Variants in SLC43A2 observed in about 807,000 individuals in gnomAD.
SLC43A2 encodes the protein large neutral amino acids transporter small subunit 4.
Under a neutral mutation model 63.2 loss-of-function variants are expected in SLC43A2, and 38 were observed. The observed-to-expected ratio is 0.60, with a 90% CI of 0.46 to 0.79. The LOEUF (loss-of-function observed/expected upper bound fraction) is 0.79, where lower values mean the gene tolerates loss of function less well. SLC43A2 is among the 30% of genes least tolerant of loss of function. The pLI is 0.00. For missense variants in SLC43A2, 644 were observed against 756.2 expected (o/e 0.85, Z 1.74); for synonymous variants, 322 against 331.0 (o/e 0.97, Z 0.30).
rs1486811212 is a variant in SLC43A2 at position 1,575,440 on chromosome 17, C to T, written c.*164G>A. ...AACGCGCGTGTCCGGGGCCCTCTCCCGTCCTTCCACCACAGAGCTCCGAGG... is the reference window on the plus strand; with the variant it reads ...AACGCGCGTGTCCGGGGCCCTCTCCTGTCCTTCCACCACAGAGCTCCGAGG... On this transcript the variant is annotated 3_prime_UTR_variant, in exon 14 of 14. Coordinates refer to ENST00000301335, the MANE Select transcript of SLC43A2 (RefSeq NM_152346.3). 8 of 898,010 alleles carry T rather than the reference C, an allele frequency of 8.9e-6. No individual in the cohort carries two copies. The highest frequency in any genetic ancestry group is 1.2e-5 in the Non-Finnish European group (7 of 588,702). 55.6% of individuals were successfully genotyped at this position (898,010 alleles called of 1,614,324 possible). A position where few individuals can be genotyped will look rare whatever the true frequency, so the allele number is the denominator to read the frequency against.
chr17:1,575,573 G>A lies in SLC43A2; in HGVS notation c.*31C>T. ...ACAGGGGTCAGTCACTGAAGCACAG[G>A]CAGGAGACCGCAGTTCCGAGGCGGC... On this transcript the variant is annotated 3_prime_UTR_variant, in exon 14 of 14. Transcript: ENST00000301335. 1 of 1,613,884 alleles carries A rather than the reference G, an allele frequency of 6.2e-7. No individual in the cohort carries two copies. Among genetic ancestry groups the A allele is most frequent in the Non-Finnish European group, 8.5e-7 (1 of 1,179,876 alleles).
chr17:1,623,996 C>T (rs74338769), intron 2 of SLC43A2, among the ~76,000 whole-genome samples: 8,121 of 152,310 alleles, frequency 0.053, 733 homozygotes, highest in African/African-American at 0.19. Context: ...TAGCTCCTGG[C>T]GCCCTGCTTT....
chr17:1,587,085 A>ACACTGTGTTTCCCG (rs1555537668), intron 9 of SLC43A2: 57 of 696,936 alleles, frequency 8.2e-5, no homozygotes, highest in South Asian at 4.7e-4. Flanking sequence ...TGCATTTCCC[A>ACACTGTGTTTCCCG]CACTGCGTTT....
At position 1,591,397 on chromosome 17, in the gene SLC43A2, G is replaced by T. The variant is rs376850298; in HGVS notation, c.803C>A (p.Thr268Lys). The change falls in exon 8 of 14, where the codon ACG becomes AAG. Residue 268 changes from threonine to lysine, a missense_variant. Physicochemically the swap from Thr to Lys is moderately conservative, Grantham distance 78 (BLOSUM62 -1). Transcript: ENST00000301335. ...TGKQFYKQVT[T>K]VGRRLSVGSS... ...GCCCACACTCAGGCGCCGGCCCACCGTGGTCACCTGCTTGTAGAACTGCTT... is the reference window on the plus strand; with the variant it reads ...GCCCACACTCAGGCGCCGGCCCACCTTGGTCACCTGCTTGTAGAACTGCTT... The T allele has an allele frequency of 2.8e-5, 45 of 1,612,898 alleles. No individual in the cohort carries two copies. The African/African-American group carries it at 5.2e-4, about 19-fold the overall frequency.
At chr17:1,590,781 G>A (rs762982947) in intron 9 of SLC43A2, 21 bp downstream of exon 9, 133 of 1,551,038 alleles carry the variant, frequency 8.6e-5, no homozygotes, top group Middle Eastern at 2.0e-4. Flanking sequence ...GACAGCGACC[G>A]AGGCTGCCCG....
intron 5 of SLC43A2, among the ~76,000 whole-genome samples, chr17:1,597,875 T>C (rs904838720): frequency 6.6e-6 from 1 of 152,304 alleles, no homozygotes; most frequent in East Asian, 1.9e-4. Context: ...AAATGTGATG[T>C]GCTCACACGT....
At chr17:1,610,328 T>C (rs532406775) in intron 5 of SLC43A2, among the ~76,000 whole-genome samples, 1 of 151,854 alleles carries the variant, frequency 6.6e-6, no homozygotes, top group African/African-American at 2.4e-5. Context: ...AGTGGTGTCA[T>C]TGTGGCATAC....
At chr17:1,592,620 T>C (rs896254506) in intron 6 of SLC43A2, among the ~76,000 whole-genome samples, 1 of 151,748 alleles carries the variant, frequency 6.6e-6, no homozygotes, top group East Asian at 1.9e-4. Flanking sequence ...GGAAAGGGGC[T>C]TTTACTTAGT....
chr17:1,589,640 G>A (rs1598447703), intron 9 of SLC43A2, among the ~76,000 whole-genome samples: 2 of 152,050 alleles, frequency 1.3e-5, no homozygotes, highest in African/African-American at 4.8e-5. Flanking sequence ...TTTCTTTTGA[G>A]ATGGAGTCGC....
intron 9 of SLC43A2, among the ~76,000 whole-genome samples, chr17:1,586,394 T>C (rs4790658): frequency 0.97 from 148,209 of 152,228 alleles, 72,249 homozygotes; most frequent in Non-Finnish European, 1. Context: ...TTAGTTTCTG[T>C]CTCTAGAAAT....
In SLC43A2 at chr17:1,593,087, GCCACCCCGGGTGCCCACAATTGCCTC is replaced by G. The variant is rs1904974412; in HGVS notation, c.594+74_594+99del. The G allele has an allele frequency of 8.6e-7, 1 of 1,167,782 alleles. No individual in the cohort carries two copies. The highest frequency in any genetic ancestry group is 1.2e-6 in the Non-Finnish European group (1 of 802,552). 72.3% of individuals were successfully genotyped at this position (1,167,782 alleles called of 1,614,324 possible). ...GCCCGGGTGGGGGTGGTGGAGAGGGGCCACCCCGGGTGCCCACAATTGCCTCCCTCTTCAGAGAGGGTGGAAGGAGC... is the reference window on the plus strand; with the variant it reads ...GCCCGGGTGGGGGTGGTGGAGAGGGGCCTCTTCAGAGAGGGTGGAAGGAGC... On this transcript the variant is annotated intron_variant, in intron 6 of 13. Coordinates refer to ENST00000301335, the MANE Select transcript of SLC43A2 (RefSeq NM_152346.3). The surrounding 1 kb of genome is among the most constrained non-coding windows in gnomAD (Gnocchi z 5.3).
chr17:1,609,098 G>A (rs556827986), intron 5 of SLC43A2, among the ~76,000 whole-genome samples: 75 of 152,314 alleles, frequency 4.9e-4, no homozygotes, highest in Admixed American at 9.2e-4. Context: ...ATGGCATGTC[G>A]TTTTTCATAG....
chr17:1,580,077 C>T (rs1347480899), intron 11 of SLC43A2, among the ~76,000 whole-genome samples: 1 of 152,110 alleles, frequency 6.6e-6, no homozygotes, highest in African/African-American at 2.4e-5. Context: ...CAGGTGCATG[C>T]CACCAAGCCC....
intron 13 of SLC43A2, among the ~76,000 whole-genome samples, chr17:1,576,073 CTTTTTTTTTTTTTT>C (rs56013428): frequency 1.2e-5 from 1 of 81,536 alleles, no homozygotes; most frequent in Non-Finnish European, 2.4e-5. Context: ...GAACTGTGTT[CTTTTTTTTTTTTTT>C]TTTTTTTTTT....
intron 2 of SLC43A2, 26 bp from the exon 3 acceptor site, chr17:1,616,795 G>C (rs752607982): frequency 1.9e-6 from 3 of 1,611,040 alleles, no homozygotes; most frequent in Non-Finnish European, 2.5e-6. Flanking sequence ...AGGAAACCCT[G>C]ACCTCAGGGT....
rs11652817 is a variant in SLC43A2, at chr17:1,605,347, A to T, written c.501+7848T>A. On this transcript the variant is annotated intron_variant, in intron 5 of 13. Coordinates refer to ENST00000301335, the MANE Select transcript of SLC43A2 (RefSeq NM_152346.3). The surrounding 1 kb of genome is among the most constrained non-coding windows in gnomAD (Gnocchi z 4.9). Reference sequence around the variant, plus strand: ...TCCCCTGGCATTCTGGCCATAGAGCATGACCACCGGACAGGAGTGCCTGCA... The same window carrying T: ...TCCCCTGGCATTCTGGCCATAGAGCTTGACCACCGGACAGGAGTGCCTGCA... 104,872 of 522,632 alleles carry T rather than the reference A, an allele frequency of 0.2. 11,207 individuals are homozygous for T. The highest frequency in any genetic ancestry group is 0.22 in the Non-Finnish European group (87,654 of 398,326). The allele number at this position is 522,632 out of a possible 1,614,324, so 32.4% of individuals were successfully genotyped here.
intron 5 of SLC43A2, among the ~76,000 whole-genome samples, chr17:1,601,799 A>G (rs572326969): frequency 2.2e-5 from 3 of 133,860 alleles, no homozygotes; most frequent in Non-Finnish European, 3.2e-5. Context: ...GGCGTGTACC[A>G]CCCTCCGGAA....
chr17:1,581,801 A>G (rs2076018202), intron 11 of SLC43A2, among the ~76,000 whole-genome samples: 1 of 151,554 alleles, frequency 6.6e-6, no homozygotes, highest in Non-Finnish European at 1.5e-5. Context: ...TGGCAAAGAA[A>G]TTCAGTTTTT....
intron 11 of SLC43A2, among the ~76,000 whole-genome samples, chr17:1,581,852 C>A (rs1375812091): frequency 6.6e-6 from 1 of 151,060 alleles, no homozygotes; most frequent in Non-Finnish European, 1.5e-5. Flanking sequence ...GTCGCCCAGG[C>A]TGGAGTGCAG....
Sources: gnomAD v4.1 joint callset for allele counts (sites outside exome capture counted in the v4.1 genomes callset) on GRCh38, gnomAD v4.1.1 for gene constraint, Gnocchi (gnomAD v3.1) non-coding constraint, MANE v1.5 for transcripts, NCBI Gene and HGNC (gene_info 2026-07-23, HGNC 2026-07-21) for gene names.